STRA6: variants seen among roughly 807,000 people sequenced by gnomAD.
STRA6 encodes signaling receptor and transporter of retinol STRA6.
A neutral mutation model predicts 83.6 loss-of-function variants in STRA6; 48 were observed. The observed-to-expected ratio is 0.57, with a 90% CI of 0.46 to 0.73. STRA6 has a LOEUF of 0.73. Among genes scored for constraint, STRA6 ranks in the 30% least tolerant of loss-of-function variants. The pLI is 0.00. For missense variants in STRA6, 760 were observed against 838.8 expected, an observed-to-expected ratio of 0.91 and a Z score of 1.16; for synonymous variants, 353 against 362.3, an observed-to-expected ratio of 0.97 and a Z score of 0.29.
intron 14 of STRA6, chr15:74,182,972 C>G (rs917527364): frequency 1.1e-5 from 2 of 181,346 alleles, no homozygotes; most frequent in Admixed American, 1.1e-4. Flanking sequence ...AGTAATTCAT[C>G]TACTCCTTTA....
chr15:74,186,749 C>A lies in STRA6; in HGVS notation c.1091-1694G>T, dbSNP rs150903759. ...TTGCACCACTGCACTCCAGCCTGGG[C>A]GACAGAGCACAACTCCATCTCAAAA... is the stretch of plus-strand genomic sequence containing the variant. On this transcript the variant is annotated intron_variant, in intron 12 of 18. Transcript: ENST00000395105. Among the ~76,000 whole-genome samples the A allele has an allele frequency of 3.2e-3, 489 of 152,062 alleles. 1 individual carries two copies. Among genetic ancestry groups the A allele is most frequent in the African/African-American group, 0.011 (469 of 41,482 alleles).
chr15:74,179,734 T>G lies in STRA6; in HGVS notation c.*346A>C. 1 of 237,150 alleles carries G rather than the reference T, an allele frequency of 4.2e-6. No individual in the cohort carries two copies. Among genetic ancestry groups the G allele is most frequent in the Non-Finnish European group, 8.3e-6 (1 of 120,002 alleles). 14.7% of individuals were successfully genotyped at this position (237,150 alleles called of 1,614,324 possible). A position where few individuals can be genotyped will look rare whatever the true frequency, so the allele number is the denominator to read the frequency against. ...AGGCTGAGGTGGAGCTGGGCTGGAG[T>G]GGTTCCAGAGAAGGCTTCATCGAGG... On this transcript the variant is annotated 3_prime_UTR_variant, in exon 19 of 19. Transcript: ENST00000395105.
chr15:74,181,167 C>G (rs186512506), intron 17 of STRA6, 128 bp downstream of exon 17: 17 of 1,445,370 alleles, frequency 1.2e-5, no homozygotes, highest in Admixed American at 7.8e-5. Context: ...CAGGGGCACA[C>G]AGGTGGCACA....
At position 74,180,065 on chromosome 15, in the gene STRA6, T is replaced by C. The variant is rs2072896555; in HGVS notation, c.*15A>G. 1.9e-6 allele frequency: 3 copies of C among 1,610,090 alleles called. No individual in the cohort carries two copies. The highest frequency in any genetic ancestry group is 1.7e-4 in the Middle Eastern group (1 of 5,998). On this transcript the variant is annotated 3_prime_UTR_variant, in exon 19 of 19. Coordinates refer to ENST00000395105, the MANE Select transcript of STRA6 (RefSeq NM_022369.4). ...CCTCAGCACAGATGGGCAGGTGGGTTGACCTTCCCTGCCCTCAGGGCTGGG... is the reference window on the plus strand; with the variant it reads ...CCTCAGCACAGATGGGCAGGTGGGTCGACCTTCCCTGCCCTCAGGGCTGGG...
upstream of STRA6, chr15:74,209,766 G>A (rs1287463869): frequency 1.3e-5 from 4 of 296,436 alleles, no homozygotes; most frequent in African/African-American, 6.5e-5. Context: ...ATGCAGACAA[G>A]ACTGGGGAAG....
Position 74,188,594 on chromosome 15 carries a change from A to G in STRA6, c.1090+521T>C, listed in dbSNP as rs1268005664. ...GAGTAAGTAGGTGGCTGCAGGAGGC[A>G]TCAGACCACAGAAGGGGAAGCCAAG... is the stretch of plus-strand genomic sequence containing the variant. On this transcript the variant is annotated intron_variant, in intron 12 of 18. Transcript: ENST00000395105. This position sits in a 1 kb window ranked among gnomAD's most constrained non-coding sequence, Gnocchi z 4.5. Among the ~76,000 whole-genome samples the G allele has an allele frequency of 6.6e-6, 1 of 152,208 alleles. No individual in the cohort carries two copies. Among genetic ancestry groups the G allele is most frequent in the Non-Finnish European group, 1.5e-5 (1 of 68,036 alleles).
chr15:74,203,453 A>G (rs2074174411), upstream of STRA6, among the ~76,000 whole-genome samples: 1 of 152,200 alleles, frequency 6.6e-6, no homozygotes, highest in South Asian at 2.1e-4. Context: ...CGAGAGGCAG[A>G]AGAAGGTAGA....
chr15:74,192,747 T>G (rs2073609028), intron 8 of STRA6, among the ~76,000 whole-genome samples: 1 of 152,206 alleles, frequency 6.6e-6, no homozygotes, highest in Non-Finnish European at 1.5e-5. Flanking sequence ...GGCCTCTATG[T>G]CTTAAGACTT....
upstream of STRA6, chr15:74,209,158 C>T (rs1299510920): frequency 1.5e-6 from 2 of 1,291,444 alleles, no homozygotes; most frequent in South Asian, 1.9e-5. Context: ...AGCTCAGGCA[C>T]AGAGCAGGGG....
intron 13 of STRA6, among the ~76,000 whole-genome samples, chr15:74,184,518 C>A (rs924175800): frequency 6.6e-6 from 1 of 152,178 alleles, no homozygotes; most frequent in African/African-American, 2.4e-5. Context: ...GGTGGCATGG[C>A]GAGACCCGTA....
At position 74,196,151 on chromosome 15, in the gene STRA6, G is replaced by A. The variant is rs369876289; in HGVS notation, c.267-4C>T. The A allele has an allele frequency of 4.2e-5, 68 of 1,613,454 alleles. No individual in the cohort carries two copies. The highest frequency in any genetic ancestry group is 5.4e-5 in the Non-Finnish European group (64 of 1,179,988). On this transcript the variant is annotated splice_region_variant and splice_polypyrimidine_tract_variant and intron_variant, in intron 4 of 18. Coordinates refer to ENST00000395105, the MANE Select transcript of STRA6 (RefSeq NM_022369.4). ...CCCAGCCAAGAAATCCACAGGGCTA[G>A]CACAGAGGCAAGGACAGGGCAGGAG... is the stretch of plus-strand genomic sequence containing the variant.
In STRA6 at chr15:74,195,307, G is replaced by T; in HGVS notation, c.592C>A (p.Pro198Thr). 1 of 1,612,306 alleles carries T rather than the reference G, an allele frequency of 6.2e-7. No homozygotes were observed. The highest frequency in any genetic ancestry group is 1.1e-5 in the South Asian group (1 of 90,914). Residue 198 changes from proline to threonine, a missense_variant, in exon 7 of 19, where the codon CCC becomes ACC. Pro to Thr is a conservative substitution (Grantham distance 38). Coordinates refer to ENST00000395105, the MANE Select transcript of STRA6 (RefSeq NM_022369.4). Reference sequence around the variant, plus strand: ...CCATTGTGATCAGCGGTTACCTTGGGCACCTGGGGACACTCTGCCCTCTGC... The same window carrying T: ...CCATTGTGATCAGCGGTTACCTTGGTCACCTGGGGACACTCTGCCCTCTGC... ...VWQRAECPQV[P>T]KIYKYYSLLA...
At position 74,202,757 on chromosome 15, in the gene STRA6, T is replaced by A. The variant is rs2074138416; in HGVS notation, c.-60A>T. 3.3e-6 allele frequency: 4 copies of A among 1,207,850 alleles called. No homozygotes were observed. The East Asian group carries it at 1.1e-4, about 33-fold the overall frequency. 74.8% of individuals were successfully genotyped at this position (1,207,850 alleles called of 1,614,324 possible). On this transcript the variant is annotated 5_prime_UTR_variant, in exon 1 of 19. Transcript: ENST00000395105. ...GGAAGGAGTTGCAGAGATGAAAGGG[T>A]AGGCAGCCCACGGCCAGCTCCGCAC... is the stretch of plus-strand genomic sequence containing the variant.
intron 6 of STRA6, 56 bp downstream of exon 6, chr15:74,195,595 AC>A: frequency 6.4e-7 from 1 of 1,555,668 alleles, no homozygotes; most frequent in South Asian, 1.2e-5. Context: ...GGGCAAGAAC[AC>A]TAGGTTCAAA....
In STRA6 at chr15:74,190,866, T is replaced by C. The variant is rs1433280337; in HGVS notation, c.901A>G (p.Thr301Ala). 2 of 1,614,102 alleles carry C rather than the reference T, an allele frequency of 1.2e-6. No homozygotes were observed. The highest frequency in any genetic ancestry group is 1.7e-6 in the Non-Finnish European group (2 of 1,180,004). The change falls in exon 11 of 19, where the codon ACA becomes GCA. Residue 301 changes from threonine to alanine, a missense_variant. By Grantham distance (58) the Thr-to-Ala change is moderately conservative. Transcript: ENST00000395105. ...HLPLKLVLSA[T>A]LTGTAIYQVA... ...TGGTAAATGGCCGTCCCTGTCAGTGTAGCTGAAAGCACCAGCTTCAGCGGG... is the reference window on the plus strand; with the variant it reads ...TGGTAAATGGCCGTCCCTGTCAGTGCAGCTGAAAGCACCAGCTTCAGCGGG...
intron 11 of STRA6, 58 bp downstream of exon 11, chr15:74,190,782 C>A: frequency 6.2e-7 from 1 of 1,613,192 alleles, no homozygotes; most frequent in Admixed American, 1.7e-5. Context: ...CTGCTCCAGG[C>A]TTGGGGGTTG....
chr15:74,182,464 C>A lies in STRA6; in HGVS notation c.1301-4G>T, dbSNP rs1595824258. 6.9e-6 allele frequency: 11 copies of A among 1,605,560 alleles called. No individual in the cohort carries two copies. The East Asian group carries it at 2.5e-4, about 36-fold the overall frequency. ...ATGATCTGCTGCACCAGGAGCCCTG[C>A]CAGGGGCGGGAGTGGCAGGGGGACA... On this transcript the variant is annotated splice_polypyrimidine_tract_variant and splice_region_variant and intron_variant, in intron 14 of 18. Transcript: ENST00000395105.
intron 7 of STRA6, chr15:74,194,842 A>G (rs1226200294): frequency 6.7e-6 from 9 of 1,348,910 alleles, no homozygotes; most frequent in Admixed American, 3.4e-5. Flanking sequence ...GGACAGCTTC[A>G]CAGCCCCAGC....
chr15:74,182,276 G>A lies in STRA6; in HGVS notation c.1419-14C>T. ...AGCCAGAAGGGCCTGCCAGTGGGGTGGGGAGGTGGTCGCTGTTAGCGGACC... is the reference window on the plus strand; with the variant it reads ...AGCCAGAAGGGCCTGCCAGTGGGGTAGGGAGGTGGTCGCTGTTAGCGGACC... On this transcript the variant is annotated splice_polypyrimidine_tract_variant and intron_variant, in intron 15 of 18. Transcript: ENST00000395105. The A allele has an allele frequency of 2.5e-6, 4 of 1,614,094 alleles. No individual in the cohort carries two copies. Among genetic ancestry groups the A allele is most frequent in the Non-Finnish European group, 3.4e-6 (4 of 1,179,976 alleles).
Sources: gnomAD v4.1 joint callset for allele counts (sites outside exome capture counted in the v4.1 genomes callset) on GRCh38, gnomAD v4.1.1 for gene constraint, Gnocchi (gnomAD v3.1) non-coding constraint, MANE v1.5 for transcripts, NCBI Gene and HGNC (gene_info 2026-07-23, HGNC 2026-07-21) for gene names.